FAM135A: variants seen among roughly 807,000 people sequenced by gnomAD.
FAM135A encodes family with sequence similarity 135 member A.
FAM135A carries 79 observed loss-of-function variants against 146.8 expected under a neutral mutation model. That is an observed-to-expected ratio of 0.54 (90% CI 0.45 to 0.65). The LOEUF is 0.65. Among genes scored for constraint, FAM135A ranks in the 30% least tolerant of loss-of-function variants. The pLI is 0.00. For synonymous variants in FAM135A, 562 were observed against 603.6 expected, an observed-to-expected ratio of 0.93 and a Z score of 1.01; for missense variants, 1,623 against 1,758.2, an observed-to-expected ratio of 0.92 and a Z score of 1.38.
intron 5 of FAM135A, among the ~76,000 whole-genome samples, chr6:70,467,591 T>C (rs1780708340): frequency 1.3e-5 from 2 of 152,102 alleles, no homozygotes; most frequent in Admixed American, 1.3e-4. Flanking sequence ...TTTTTCCCGT[T>C]CTCTTCTTGG....
intron 2 of FAM135A, among the ~76,000 whole-genome samples, chr6:70,426,095 G>T (rs1451384341): frequency 6.7e-6 from 1 of 149,042 alleles, no homozygotes; most frequent in East Asian, 2.0e-4. Context: ...GGGCGACAGA[G>T]CGAGACTCCG....
At position 70,432,593 on chromosome 6, in the gene FAM135A, T is replaced by C. The variant is rs74937897; in HGVS notation, c.77+4174T>C. Among the ~76,000 whole-genome samples the C allele has an allele frequency of 4.6e-5, 7 of 152,254 alleles. No individual in the cohort carries two copies. The East Asian group carries it at 7.7e-4, about 17-fold the overall frequency. On this transcript the variant is annotated intron_variant, in intron 4 of 21. Coordinates refer to ENST00000418814, the MANE Select transcript of FAM135A (RefSeq NM_001162529.3). ...CCCCTACCTAAGGTGATCCTTTAAA[T>C]TGTGTTTTACTTAACAGAGTATGGG...
In FAM135A at chr6:70,482,087, C is replaced by G; in HGVS notation, c.756C>G (p.Phe252Leu). ...YTLCATLLLA[F>L]KGLHSYFITV... ...TTTGTGCCACTTTGCTGCTAGCCTT[C>G]AAGGGATTGCACAGCTACTTCATTA... Residue 252 changes from phenylalanine (F) to leucine (L), a missense_variant, in exon 10 of 22, where the codon TTC becomes TTG. Around this residue, in one of 7 missense-constraint regions of FAM135A, gnomAD observed 206 missense variants for 194.7 expected, o/e 1.06. Transcript: ENST00000418814. 6.2e-7 allele frequency: 1 copy of G among 1,613,774 alleles called. No homozygotes were observed. The highest frequency in any genetic ancestry group is 1.1e-5 in the South Asian group (1 of 91,080).
At chr6:70,513,135 T>C (rs1791417989) in intron 12 of FAM135A, among the ~76,000 whole-genome samples, 1 of 151,876 alleles carries the variant, frequency 6.6e-6, no homozygotes, top group South Asian at 2.1e-4. Context: ...TGGCCTGTTA[T>C]ACATCTCTAT....
At chr6:70,448,737 A>G (rs540961350) in intron 4 of FAM135A, among the ~76,000 whole-genome samples, 7 of 152,360 alleles carry the variant, frequency 4.6e-5, no homozygotes, top group African/African-American at 1.2e-4. Flanking sequence ...TATGGATATT[A>G]GATTAACTAA....
chr6:70,521,318 C>CG (rs747349516), intron 12 of FAM135A, among the ~76,000 whole-genome samples: 1 of 148,092 alleles, frequency 6.8e-6, no homozygotes, highest in Non-Finnish European at 1.5e-5. Context: ...CTTAAAGATG[C>CG]GTTTTTTTCA....
intron 4 of FAM135A, among the ~76,000 whole-genome samples, chr6:70,438,294 T>TA (rs1420297897): frequency 1.3e-5 from 2 of 152,236 alleles, no homozygotes; most frequent in African/African-American, 4.8e-5. Flanking sequence ...TTAAAATACT[T>TA]ACAGTAATCC....
chr6:70,555,257 A>G (rs993632601), intron 20 of FAM135A, among the ~76,000 whole-genome samples: 4 of 151,900 alleles, frequency 2.6e-5, no homozygotes, highest in Non-Finnish European at 5.9e-5. Context: ...CTGGAAATCA[A>G]TTTTCTTTTT....
intron 4 of FAM135A, among the ~76,000 whole-genome samples, chr6:70,450,587 G>T (rs565974983): frequency 1.3e-5 from 2 of 151,804 alleles, no homozygotes; most frequent in African/African-American, 2.4e-5. Flanking sequence ...AAATGGGTGG[G>T]TTTATTTCTG....
intron 11 of FAM135A, among the ~76,000 whole-genome samples, chr6:70,497,224 C>T (rs912691626): frequency 3.9e-5 from 6 of 152,006 alleles, no homozygotes; most frequent in Non-Finnish European, 7.4e-5. Flanking sequence ...ACATCCCTTG[C>T]AATTTGGATT....
In FAM135A at chr6:70,525,955, T is replaced by G; in HGVS notation, c.2871T>G (p.Ser957=). 1 of 1,613,456 alleles carries G rather than the reference T, an allele frequency of 6.2e-7. No homozygotes were observed. Among genetic ancestry groups the G allele is most frequent in the Non-Finnish European group, 8.5e-7 (1 of 1,179,648 alleles). ...MCKGFQSPDK[S]NNSTGTAITL... ...AAGGCTTCCAGAGTCCTGATAAATC[T>G]AATAACTCTACAGGGACAGCAATTA... Residue 957 remains serine (S), a synonymous_variant, in exon 15 of 22, where the codon TCT becomes TCG. Transcript: ENST00000418814.
chr6:70,509,141 A>C (rs1333542231), intron 12 of FAM135A, among the ~76,000 whole-genome samples: 2 of 152,102 alleles, frequency 1.3e-5, no homozygotes, highest in African/African-American at 2.4e-5. Flanking sequence ...TCACATTAAC[A>C]TGTCTTTCCT....
rs754777889 is a variant in FAM135A at position 70,525,248 on chromosome 6, T to G, written c.2164T>G (p.Cys722Gly). Residue 722 changes from cysteine to glycine, a missense_variant, in exon 15 of 22, where the codon TGT becomes GGT. Physicochemically the swap from Cys to Gly is radical, Grantham distance 159. Around this residue, in one of 7 missense-constraint regions of FAM135A, gnomAD observed 1,061 missense variants for 1,113.8 expected, o/e 0.95. Coordinates refer to ENST00000418814, the MANE Select transcript of FAM135A (RefSeq NM_001162529.3). ...AAAGGAAGCTTTGCAAGAAGCAAAG[T>G]GTCTTTCTATTGGAGAATCATTAAC... ...FEKEALQEAK[C>G]LSIGESLTKL... is the part of the protein sequence containing the mutation. 2.0e-5 allele frequency: 32 copies of G among 1,599,454 alleles called. No homozygotes were observed. Among genetic ancestry groups the G allele is most frequent in the Non-Finnish European group, 2.6e-5 (31 of 1,174,868 alleles).
At chr6:70,434,937 A>G (rs973419072) in intron 4 of FAM135A, among the ~76,000 whole-genome samples, 2 of 152,000 alleles carry the variant, frequency 1.3e-5, no homozygotes, top group African/African-American at 4.8e-5. Context: ...ACCTGTAGCT[A>G]CTATTACTTT....
intron 8 of FAM135A, among the ~76,000 whole-genome samples, chr6:70,478,278 A>G (rs1279092618): frequency 6.6e-6 from 1 of 152,208 alleles, no homozygotes; most frequent in Non-Finnish European, 1.5e-5. Context: ...AAGTAAAAAT[A>G]CAATGCAAGG....
rs775258535 is a variant in FAM135A at position 70,525,039 on chromosome 6, T to C, written c.1955T>C (p.Leu652Ser). ...CATGATCATCAAACAACCCCATCTT[T>C]GGGAGTTAGAACAATTGAAATAAAG... Reference protein sequence around the residue: ...DCHDHQTTPSLGVRTIEIKPS... With the variant: ...DCHDHQTTPSSGVRTIEIKPS... The change falls in exon 15 of 22, where the codon TTG becomes TCG. Residue 652 changes from leucine to serine, a missense_variant. Physicochemically the swap from Leu to Ser is moderately radical, Grantham distance 145. Coordinates refer to ENST00000418814, the MANE Select transcript of FAM135A (RefSeq NM_001162529.3). 1.3e-6 allele frequency: 2 copies of C among 1,595,236 alleles called. No homozygotes were observed. The highest frequency in any genetic ancestry group is 2.2e-5 in the East Asian group (1 of 44,806).
intron 12 of FAM135A, among the ~76,000 whole-genome samples, chr6:70,519,155 A>G (rs1792976054): frequency 6.6e-6 from 1 of 152,206 alleles, no homozygotes; most frequent in South Asian, 2.1e-4. Context: ...TAACCCTCAT[A>G]GGTAACTTTG....
At chr6:70,501,428 G>T (rs150635260) in intron 11 of FAM135A, among the ~76,000 whole-genome samples, 159 of 152,320 alleles carry the variant, frequency 1.0e-3, no homozygotes, top group Non-Finnish European at 1.7e-3. Context: ...AGCTTGCTGG[G>T]CTCCGTGGGA....
In FAM135A at chr6:70,556,752, C is replaced by T. The variant is rs144976518; in HGVS notation, c.4231C>T (p.Leu1411Phe). The T allele has an allele frequency of 1.5e-4, 234 of 1,595,736 alleles. No individual in the cohort carries two copies. The highest frequency in any genetic ancestry group is 1.9e-4 in the Non-Finnish European group (227 of 1,169,486). Residue 1411 changes from leucine (L) to phenylalanine (F), a missense_variant and splice_region_variant, in exon 21 of 22, where the codon CTT (leucine) becomes TTT (phenylalanine). Coordinates refer to ENST00000418814, the MANE Select transcript of FAM135A (RefSeq NM_001162529.3). ...FLYKLSNKAG[L>F]HYFKNVVLVG... ...AATTTATTATATTCTATTCACAGGG[C>T]TTCATTATTTCAAAAATGTTGTGCT...
Sources: allele counts gnomAD v4.1 joint callset (sites outside exome capture counted in the v4.1 genomes callset), GRCh38; gene constraint gnomAD v4.1.1; regional missense constraint gnomAD v4.1.1; transcripts MANE v1.5; gene names NCBI Gene and HGNC (gene_info 2026-07-23, HGNC 2026-07-21).